EYA1: variants seen among roughly 807,000 people sequenced by gnomAD.
EYA1 encodes the protein EYA transcriptional coactivator and phosphatase 1.
In EYA1, 16 loss-of-function variants were observed where a neutral mutation model predicts 82.0. The observed-to-expected ratio is 0.20, with a 90% CI of 0.13 to 0.30. EYA1 has a LOEUF of 0.30. Among genes scored for constraint, EYA1 ranks in the 10% least tolerant of loss-of-function variants. The pLI is 1.00. For synonymous variants in EYA1, 261 were observed against 264.4 expected (o/e 0.99, Z 0.12); for missense variants, 633 against 730.7 (o/e 0.87, Z 1.54).
intron 2 of EYA1, among the ~76,000 whole-genome samples, chr8:71,490,356 C>T (rs1810900802): frequency 6.6e-6 from 1 of 152,146 alleles, no homozygotes; most frequent in Admixed American, 6.5e-5. Context: ...AATTAAGTAA[C>T]CATGGGGTAT....
chr8:71,215,324 T>C, intron 16 of EYA1, 63 bp downstream of exon 16: 1 of 1,549,276 alleles, frequency 6.5e-7, no homozygotes, highest in Non-Finnish European at 8.9e-7. Context: ...ATTTATTGCC[T>C]TTCGTTTTTA....
At chr8:71,366,038 C>T (rs1004586052), upstream of EYA1, among the ~76,000 whole-genome samples, 3 of 152,016 alleles carry the variant, frequency 2.0e-5, no homozygotes, top group African/African-American at 7.3e-5. Context: ...GAAAATAGAA[C>T]CTATTTCCTG....
chr8:71,431,648 T>C (rs1254632573), intron 2 of EYA1, among the ~76,000 whole-genome samples: 1 of 152,168 alleles, frequency 6.6e-6, no homozygotes, highest in African/African-American at 2.4e-5. Flanking sequence ...TCTTTAACCA[T>C]TCCTCCCTTC....
chr8:71,527,634 A>T (rs1813919397), intron 2 of EYA1, among the ~76,000 whole-genome samples: 1 of 152,186 alleles, frequency 6.6e-6, no homozygotes, highest in Non-Finnish European at 1.5e-5. Context: ...TGGATTCCCC[A>T]GCCCCTTAAG....
chr8:71,256,375 A>G (rs1488997121), intron 11 of EYA1, among the ~76,000 whole-genome samples: 1 of 152,228 alleles, frequency 6.6e-6, no homozygotes, highest in Non-Finnish European at 1.5e-5. Flanking sequence ...ATGTAACCTT[A>G]AAAAGGGAGG....
intron 11 of EYA1, among the ~76,000 whole-genome samples, chr8:71,247,947 A>T (rs1813305305): frequency 6.6e-6 from 1 of 152,156 alleles, no homozygotes; most frequent in African/African-American, 2.4e-5. Context: ...TATGTGCCAT[A>T]GTATTGTTAC....
chr8:71,279,754 C>T (rs1262157692), intron 9 of EYA1, among the ~76,000 whole-genome samples: 1 of 152,296 alleles, frequency 6.6e-6, no homozygotes, highest in East Asian at 1.9e-4. Flanking sequence ...CTGAAACTAA[C>T]CCATTGGACG....
chr8:71,256,669 TAAG>T (rs1316743822), intron 11 of EYA1, among the ~76,000 whole-genome samples: 1 of 152,134 alleles, frequency 6.6e-6, no homozygotes, highest in East Asian at 1.9e-4. Context: ...TTAAAATGGT[TAAG>T]AAGGTAAAAT....
chr8:71,440,004 C>G (rs985784974), intron 2 of EYA1, among the ~76,000 whole-genome samples: 2 of 152,102 alleles, frequency 1.3e-5, no homozygotes, highest in Non-Finnish European at 2.9e-5. Context: ...TTTTTAAAGA[C>G]TAGATAAGCC....
chr8:71,327,857 T>TC, intron 4 of EYA1, among the ~76,000 whole-genome samples: 4 of 147,054 alleles, frequency 2.7e-5, no homozygotes, highest in African/African-American at 1.0e-4. Flanking sequence ...TAAGTTCTTT[T>TC]TTTTTTTTTT....
chr8:71,333,447 A>AT (rs1256684810), intron 4 of EYA1, among the ~76,000 whole-genome samples: 1 of 152,198 alleles, frequency 6.6e-6, no homozygotes. Context: ...GATATAAATA[A>AT]TTTTTAAATG....
chr8:71,482,594 T>G (rs1810247819), intron 2 of EYA1, among the ~76,000 whole-genome samples: 1 of 152,192 alleles, frequency 6.6e-6, no homozygotes, highest in African/African-American at 2.4e-5. Context: ...ACAAGTATGT[T>G]CATGGTAACA....
intron 3 of EYA1, among the ~76,000 whole-genome samples, chr8:71,342,419 T>C (rs1054764683): frequency 1.3e-5 from 2 of 152,106 alleles, no homozygotes; most frequent in African/African-American, 2.4e-5. Flanking sequence ...CTCCACCTAT[T>C]CAAATTCTAC....
intron 3 of EYA1, among the ~76,000 whole-genome samples, chr8:71,349,192 A>T (rs1163133935): frequency 6.6e-6 from 1 of 152,174 alleles, no homozygotes; most frequent in Non-Finnish European, 1.5e-5. Context: ...TCACACACTC[A>T]CGCACACCAG....
At chr8:71,374,899 T>C (rs747171906) in intron 2 of EYA1, among the ~76,000 whole-genome samples, 2 of 152,206 alleles carry the variant, frequency 1.3e-5, no homozygotes, top group African/African-American at 4.8e-5. Context: ...CACAGAAAGA[T>C]AACTACTGCA....
upstream of EYA1, chr8:71,362,289 A>AT: frequency 1.2e-6 from 1 of 861,304 alleles, no homozygotes; most frequent in South Asian, 5.3e-5. Context: ...CTGTTTAAAA[A>AT]AAAAAAAATT....
chr8:71,198,592 T>C lies in EYA1; in HGVS notation c.*748A>G, dbSNP rs903580936. ...AAACAATATGTAAAAGAATTATCCA[T>C]TATTACAAATTTACACCAAAAATTC... is the stretch of plus-strand genomic sequence containing the variant. On this transcript the variant is annotated 3_prime_UTR_variant, in exon 18 of 18. Transcript: ENST00000340726. 8 of 152,708 alleles carry C rather than the reference T, an allele frequency of 5.2e-5. No individual in the cohort carries two copies. The highest frequency in any genetic ancestry group is 1.9e-4 in the African/African-American group (8 of 41,454). The allele number at this position is 152,708 out of a possible 1,614,324, so 9.5% of individuals were successfully genotyped here. A position where few individuals can be genotyped will look rare whatever the true frequency, so the allele number is the denominator to read the frequency against.
At chr8:71,422,767 C>T (rs113296132) in intron 2 of EYA1, among the ~76,000 whole-genome samples, 4,668 of 152,166 alleles carry the variant, frequency 0.031, 231 homozygotes, top group African/African-American at 0.1. Context: ...ACCATCAGAT[C>T]TCATGAGAAC....
chr8:71,477,675 A>T (rs1261221801), intron 2 of EYA1, among the ~76,000 whole-genome samples: 2 of 152,086 alleles, frequency 1.3e-5, no homozygotes, highest in Non-Finnish European at 1.5e-5. Context: ...CACTCCTGTA[A>T]TATTTAAACA....
Sources: gnomAD v4.1 joint callset for allele counts (sites outside exome capture counted in the v4.1 genomes callset) on GRCh38, gnomAD v4.1.1 for gene constraint, MANE v1.5 for transcripts, NCBI Gene and HGNC (gene_info 2026-07-23, HGNC 2026-07-21) for gene names.